Variants in SLC37A3 observed in about 807,000 individuals in gnomAD.
SLC37A3 encodes solute carrier family 37 member 3, also known as sugar phosphate exchanger 3.
A neutral mutation model predicts 67.1 loss-of-function variants in SLC37A3; 51 were observed. That is an observed-to-expected ratio of 0.76 (90% CI 0.61 to 0.96). The LOEUF (loss-of-function observed/expected upper bound fraction) is 0.96. SLC37A3 is among the 40% of genes least tolerant of loss of function. The pLI, the probability that SLC37A3 is intolerant of heterozygous loss-of-function variation, is 0.00. For synonymous variants in SLC37A3, 214 were observed against 231.4 expected, an observed-to-expected ratio of 0.92 and a Z score of 0.68; for missense variants, 508 against 603.0, an observed-to-expected ratio of 0.84 and a Z score of 1.65.
Position 140,364,568 on chromosome 7 carries a change from T to C in SLC37A3, c.292-77A>G. On this transcript the variant is annotated intron_variant, in intron 4 of 14. Coordinates refer to ENST00000326232, the MANE Select transcript of SLC37A3 (RefSeq NM_207113.3). ...AAAGTAACATGCACTGCAAAGCAAA[T>C]GAGACAAACACAGATATTATTTAAA... is the stretch of plus-strand genomic sequence containing the variant. 2.3e-6 allele frequency: 3 copies of C among 1,291,960 alleles called. No individual in the cohort carries two copies. The South Asian group carries it at 3.8e-5, about 16-fold the overall frequency. The allele number at this position is 1,291,960 out of a possible 1,614,324, so 80.0% of individuals were successfully genotyped here.
At chr7:140,380,465 C>A in intron 2 of SLC37A3, 75 bp from the exon 3 acceptor site, 1 of 1,023,282 alleles carries the variant, frequency 9.8e-7, no homozygotes, top group African/African-American at 1.7e-5. Flanking sequence ...GGTATAGGCC[C>A]ATTTCTTTTA....
At chr7:140,366,502 T>C (rs558770672) in intron 4 of SLC37A3, among the ~76,000 whole-genome samples, 13 of 152,204 alleles carry the variant, frequency 8.5e-5, no homozygotes, top group Admixed American at 7.2e-4. Flanking sequence ...CCATGACCAT[T>C]GATTTTTCAT....
chr7:140,359,212 A>C (rs1214696137), intron 5 of SLC37A3, among the ~76,000 whole-genome samples: 1 of 152,006 alleles, frequency 6.6e-6, no homozygotes. Flanking sequence ...GCGTGGTGGC[A>C]GGTGCCTGTA....
chr7:140,372,735 C>T (rs991101293), intron 3 of SLC37A3, among the ~76,000 whole-genome samples: 4 of 151,688 alleles, frequency 2.6e-5, no homozygotes, highest in Admixed American at 6.6e-5. Flanking sequence ...TGGTGGTGGG[C>T]GCCTGTAATC....
At chr7:140,363,175 G>A (rs1166522269) in intron 5 of SLC37A3, among the ~76,000 whole-genome samples, 1 of 85,566 alleles carries the variant, frequency 1.2e-5, no homozygotes, top group African/African-American at 4.3e-5. Context: ...GCCCGGCCAC[G>A]ACCCCGTCTG....
chr7:140,388,310 G>A (rs1355010684), intron 1 of SLC37A3, among the ~76,000 whole-genome samples: 1 of 151,044 alleles, frequency 6.6e-6, no homozygotes, highest in East Asian at 2.0e-4. Flanking sequence ...GTGCGTGCCT[G>A]TAGTCCCAGC....
At chr7:140,394,566 G>A (rs2129983071) in intron 1 of SLC37A3, among the ~76,000 whole-genome samples, 1 of 148,438 alleles carries the variant, frequency 6.7e-6, no homozygotes, top group Middle Eastern at 3.6e-3. Context: ...AGGCAGCAGT[G>A]AGCCATGACT....
intron 10 of SLC37A3, among the ~76,000 whole-genome samples, chr7:140,346,358 T>C (rs1050585697): frequency 6.6e-6 from 1 of 151,850 alleles, no homozygotes; most frequent in Admixed American, 6.6e-5. Flanking sequence ...CCAGCCTGGG[T>C]GACAGAGCGA....
chr7:140,378,815 G>A (rs751582009), intron 3 of SLC37A3, among the ~76,000 whole-genome samples: 4 of 151,884 alleles, frequency 2.6e-5, no homozygotes, highest in Non-Finnish European at 4.4e-5. Context: ...TGGGGAGGCC[G>A]AAGCAGGCAG....
chr7:140,335,002 G>A lies in SLC37A3; in HGVS notation c.*410C>T. On this transcript the variant is annotated 3_prime_UTR_variant, in exon 15 of 15. Transcript: ENST00000326232. ...CAAAATGCAATGATCTCTTCCATTT[G>A]TGGAACATACCACCAACACAAACCA... 2.1e-6 allele frequency: 1 copy of A among 476,226 alleles called. No individual in the cohort carries two copies. The highest frequency in any genetic ancestry group is 2.2e-5 in the South Asian group (1 of 44,662). The allele number at this position is 476,226 out of a possible 1,614,324, so 29.5% of individuals were successfully genotyped here.
At chr7:140,335,623 A>G in intron 14 of SLC37A3, 119 bp from the exon 15 acceptor site, 10 of 1,218,394 alleles carry the variant, frequency 8.2e-6, no homozygotes, top group Non-Finnish European at 1.1e-5. Flanking sequence ...TACAAAGATA[A>G]TGTTTAATCT....
intron 1 of SLC37A3, among the ~76,000 whole-genome samples, chr7:140,396,017 T>C (rs1455472588): frequency 6.6e-6 from 1 of 151,870 alleles, no homozygotes; most frequent in Non-Finnish European, 1.5e-5. Context: ...CATACAACTA[T>C]CTTTTTTTTT....
intron 7 of SLC37A3, 28 bp downstream of exon 7, chr7:140,355,640 A>C (rs1267961656): frequency 3.2e-6 from 5 of 1,553,288 alleles, no homozygotes; most frequent in South Asian, 2.2e-5. Context: ...AGAGAGAGAG[A>C]GCACCAGAGC....
chr7:140,343,981 G>A (rs74798132), intron 12 of SLC37A3: 12,094 of 229,240 alleles, frequency 0.053, 352 homozygotes, highest in Non-Finnish European at 0.069. Context: ...AATGGAGCAG[G>A]TGACTCTATC....
Position 140,355,668 on chromosome 7 carries a change from C to T in SLC37A3, c.618G>A (p.Glu206=), listed in dbSNP as rs1393254660. Residue 206 remains glutamate (E), a splice_region_variant and synonymous_variant, in exon 7 of 15, where the codon GAG becomes GAA. Coordinates refer to ENST00000326232, the MANE Select transcript of SLC37A3 (RefSeq NM_207113.3). ...ACCAGAGCTAGAAAACAATACCTAC[C>T]TCATAACCATACTGAAGAACAGAAG... The part of the protein sequence containing the change: ...LASSVLQYGY[E]YAFLVTASVQ... 6.2e-7 allele frequency: 1 copy of T among 1,613,462 alleles called. No individual in the cohort carries two copies. Among genetic ancestry groups the T allele is most frequent in the Non-Finnish European group, 8.5e-7 (1 of 1,179,678 alleles).
At chr7:140,365,208 C>T (rs1797550727) in intron 4 of SLC37A3, among the ~76,000 whole-genome samples, 1 of 152,150 alleles carries the variant, frequency 6.6e-6, no homozygotes, top group Admixed American at 6.5e-5. Flanking sequence ...ACCTTAAGCG[C>T]AGCACACTTT....
chr7:140,389,384 C>G (rs1043210555), intron 1 of SLC37A3, among the ~76,000 whole-genome samples: 3 of 152,094 alleles, frequency 2.0e-5, no homozygotes, highest in Non-Finnish European at 2.9e-5. Flanking sequence ...TCTGCCATCC[C>G]ACCAGGGAAC....
chr7:140,373,113 G>A (rs556710515), intron 3 of SLC37A3, among the ~76,000 whole-genome samples: 5 of 151,964 alleles, frequency 3.3e-5, no homozygotes, highest in Admixed American at 6.6e-5. Context: ...CACCATGCCC[G>A]GCTAATTTTT....
rs1796066392 is a variant in SLC37A3, at chr7:140,334,670, CTGA to C, written c.*739_*741del. 1 of 155,324 alleles carries C rather than the reference CTGA, an allele frequency of 6.4e-6. No individual in the cohort carries two copies. The highest frequency in any genetic ancestry group is 6.3e-5 in the Admixed American group (1 of 15,910). The allele number at this position is 155,324 out of a possible 1,614,324, so 9.6% of individuals were successfully genotyped here. A position where few individuals can be genotyped will look rare whatever the true frequency, so the allele number is the denominator to read the frequency against. On this transcript the variant is annotated 3_prime_UTR_variant, in exon 15 of 15. Transcript: ENST00000326232. ...TTACACGTCAGAATGTTCAAGATAA[CTGA>C]TGTACCTTATGGTCCTTGAAAGGAA...
Sources: gnomAD v4.1 joint callset for allele counts (sites outside exome capture counted in the v4.1 genomes callset) on GRCh38, gnomAD v4.1.1 for gene constraint, MANE v1.5 for transcripts, NCBI Gene and HGNC (gene_info 2026-07-23, HGNC 2026-07-21) for gene names.